The following CREBRF variants were observed in gnomAD, a reference collection of about 807,000 sequenced individuals.
The protein encoded by CREBRF is CREB3 regulatory factor, also known as UPF0474 protein C5orf41.
A neutral mutation model predicts 66.1 loss-of-function variants in CREBRF; 5 were observed. The observed-to-expected ratio is 0.08, with a 90% CI of 0.04 to 0.16. The LOEUF (loss-of-function observed/expected upper bound fraction) is 0.16, where lower values mean the gene tolerates loss of function less well. Ranked by LOEUF, CREBRF falls within the 10% of genes least tolerant of loss-of-function variation. The pLI is 1.00. For synonymous variants in CREBRF, 229 were observed against 264.4 expected (o/e 0.87, Z 1.30); for missense variants, 531 against 744.9 (o/e 0.71, Z 3.34).
At position 173,108,809 on chromosome 5, in the gene CREBRF, T is replaced by G; in HGVS notation, c.1408T>G (p.Leu470Val). 6.2e-7 allele frequency: 1 copy of G among 1,611,594 alleles called. No homozygotes were observed. The highest frequency in any genetic ancestry group is 8.5e-7 in the Non-Finnish European group (1 of 1,179,248). ...AAGTAATATGTATCAGAAAAATGGC[T>G]TACATCATGGTAAGAGGGGATTGCA... ...LPSNMYQKNG[L>V]HHGKYAVKKS... The change falls in exon 5 of 9, where the codon TTA (leucine) becomes GTA (valine). Residue 470 changes from leucine (L) to valine (V), a missense_variant. By Grantham distance (32) the Leu-to-Val change is conservative. Around this residue, in one of 5 missense-constraint regions of CREBRF, gnomAD observed 309 missense variants for 341.4 expected, o/e 0.90. Transcript: ENST00000296953.
chr5:173,127,152 GTTTC>G (rs1216055847), intron 8 of CREBRF, among the ~76,000 whole-genome samples: 3 of 144,304 alleles, frequency 2.1e-5, no homozygotes, highest in Admixed American at 7.2e-5. Context: ...ATGGGTTGGA[GTTTC>G]TTTTTCTTTT....
At chr5:173,105,819 C>T (rs537839996) in intron 4 of CREBRF, among the ~76,000 whole-genome samples, 1 of 146,106 alleles carries the variant, frequency 6.8e-6, no homozygotes, top group Non-Finnish European at 1.5e-5. Flanking sequence ...GGGGTTTCAT[C>T]GTGTGAGCCA....
chr5:173,118,153 C>T (rs936773550), intron 7 of CREBRF, among the ~76,000 whole-genome samples: 3 of 152,118 alleles, frequency 2.0e-5, no homozygotes, highest in African/African-American at 4.8e-5. Context: ...GGATTACAGG[C>T]GTGAGCCACG....
At chr5:173,128,254 T>C (rs943631298) in intron 8 of CREBRF, among the ~76,000 whole-genome samples, 1 of 152,158 alleles carries the variant, frequency 6.6e-6, no homozygotes, top group African/African-American at 2.4e-5. Flanking sequence ...AGATTTAAAA[T>C]TTCCCCCAGC....
intron 7 of CREBRF, among the ~76,000 whole-genome samples, chr5:173,122,853 G>T (rs1271138405): frequency 2.1e-5 from 3 of 142,410 alleles, no homozygotes; most frequent in Admixed American, 7.4e-5. Flanking sequence ...GCGGTGTTTG[G>T]TTTTTTGTCC....
intron 4 of CREBRF, among the ~76,000 whole-genome samples, chr5:173,103,664 CTT>C (rs1758681524): frequency 6.6e-6 from 1 of 152,178 alleles, no homozygotes; most frequent in Non-Finnish European, 1.5e-5. Flanking sequence ...GTTTTAGTCT[CTT>C]TTCTGGATTG....
In CREBRF at chr5:173,101,739, G is replaced by A. The variant is rs574275277; in HGVS notation, c.1223-6885G>A. Among the ~76,000 whole-genome samples the A allele has an allele frequency of 2.4e-4, 36 of 151,956 alleles. No homozygotes were observed. In the South Asian group the frequency reaches 7.1e-3, roughly 30 times the overall value. On this transcript the variant is annotated intron_variant, in intron 4 of 8. Transcript: ENST00000296953. ...TAATTTTTGTATTTTTAGTAGAGAC[G>A]GGGTTTCACCATGTTGGTCAGGCTG...
rs116542067 is a variant in CREBRF at position 173,116,504 on chromosome 5, A to C, written c.1681+4125A>C. The stretch of plus-strand genomic sequence containing the variant: ...AATATGTTTACATTTTTGCCTGGCT[A>C]CTTTCACTCAGCATAATTATTTAAA... On this transcript the variant is annotated intron_variant, in intron 7 of 8. Coordinates refer to ENST00000296953, the MANE Select transcript of CREBRF (RefSeq NM_153607.3). 6.5e-3 allele frequency among the ~76,000 whole-genome samples: 984 copies of C among 152,294 alleles called. 14 individuals carry two copies. The highest frequency in any genetic ancestry group is 0.022 in the African/African-American group (922 of 41,576).
intron 1 of CREBRF, chr5:173,068,046 A>G (rs961339438): frequency 2.6e-6 from 1 of 381,642 alleles, no homozygotes; most frequent in Non-Finnish European, 5.2e-6. Context: ...TTTAAAATGT[A>G]TATCCTCCCA....
intron 4 of CREBRF, among the ~76,000 whole-genome samples, chr5:173,104,011 G>T (rs1483914317): frequency 6.6e-6 from 1 of 152,206 alleles, no homozygotes; most frequent in Non-Finnish European, 1.5e-5. Flanking sequence ...ACAACATCAT[G>T]AATTTGTTTT....
At chr5:173,068,233 T>C in intron 1 of CREBRF, 1 of 372,060 alleles carries the variant, frequency 2.7e-6, no homozygotes, top group Non-Finnish European at 5.4e-6. Context: ...AGGTTCAGGT[T>C]ACTCTATGTA....
chr5:173,085,416 T>TC (rs2113722571), intron 2 of CREBRF: 1 of 890,088 alleles, frequency 1.1e-6, no homozygotes, highest in East Asian at 2.5e-5. Flanking sequence ...ATACATTCTT[T>TC]TTTTTTTTTT....
intron 1 of CREBRF, among the ~76,000 whole-genome samples, chr5:173,077,037 A>G (rs1435588964): frequency 1.3e-5 from 2 of 150,980 alleles, no homozygotes; most frequent in African/African-American, 2.4e-5. Context: ...TCTGCCTCCC[A>G]GGTTCAAGCG....
chr5:173,097,842 C>G (rs72816126), intron 4 of CREBRF, among the ~76,000 whole-genome samples: 14,203 of 151,988 alleles, frequency 0.093, 785 homozygotes, highest in South Asian at 0.16. Flanking sequence ...CTTCATTGAT[C>G]TTTTCTATTG....
At chr5:173,098,454 A>G (rs1268322005) in intron 4 of CREBRF, among the ~76,000 whole-genome samples, 1 of 152,192 alleles carries the variant, frequency 6.6e-6, no homozygotes, top group African/African-American at 2.4e-5. Context: ...ACAGTTGCCA[A>G]AATATCATAC....
At chr5:173,131,617 CA>C (rs1759424868) in intron 8 of CREBRF, among the ~76,000 whole-genome samples, 1 of 152,026 alleles carries the variant, frequency 6.6e-6, no homozygotes, top group Non-Finnish European at 1.5e-5. Flanking sequence ...TTCCATCAGT[CA>C]AGAGGCACAT....
intron 6 of CREBRF, 32 bp downstream of exon 6, chr5:173,110,743 A>G: frequency 6.4e-7 from 1 of 1,557,694 alleles, no homozygotes; most frequent in Admixed American, 2.0e-5. Flanking sequence ...TCATGTGAAG[A>G]AAGTTTAGGA....
At position 173,110,508 on chromosome 5, in the gene CREBRF, T is replaced by A. The variant is rs1410505684; in HGVS notation, c.1418-14T>A. ...AAAGTGATCTGACTTAAACTTCTTTTAAACTGTTTATAGGAAAATATGCAG... is the reference window on the plus strand; with the variant it reads ...AAAGTGATCTGACTTAAACTTCTTTAAAACTGTTTATAGGAAAATATGCAG... On this transcript the variant is annotated splice_polypyrimidine_tract_variant and intron_variant, in intron 5 of 8. Coordinates refer to ENST00000296953, the MANE Select transcript of CREBRF (RefSeq NM_153607.3). 1 of 1,597,706 alleles carries A rather than the reference T, an allele frequency of 6.3e-7. No individual in the cohort carries two copies. The highest frequency in any genetic ancestry group is 8.6e-7 in the Non-Finnish European group (1 of 1,165,140).
chr5:173,079,110 CA>C (rs1486634464), intron 1 of CREBRF, among the ~76,000 whole-genome samples: 1 of 151,902 alleles, frequency 6.6e-6, no homozygotes, highest in African/African-American at 2.4e-5. Flanking sequence ...AGGCCTTTGG[CA>C]GGAACAGGGA....
Sources: gnomAD v4.1 joint callset for allele counts (sites outside exome capture counted in the v4.1 genomes callset) on GRCh38, gnomAD v4.1.1 for gene constraint, gnomAD v4.1.1 regional missense constraint, MANE v1.5 for transcripts, NCBI Gene and HGNC (gene_info 2026-07-23, HGNC 2026-07-21) for gene names.